The following RABGAP1L variants were observed in gnomAD, a reference collection of about 807,000 sequenced individuals.
RABGAP1L encodes rab GTPase-activating protein 1-like.
In RABGAP1L, 63 loss-of-function variants were observed where a neutral mutation model predicts 137.7. The observed-to-expected ratio is 0.46, with a 90% CI of 0.37 to 0.56. RABGAP1L has a LOEUF of 0.56. RABGAP1L is among the 20% of genes least tolerant of loss of function. The pLI is 0.00. For synonymous variants in RABGAP1L, 431 were observed against 433.7 expected (o/e 0.99, Z 0.08); for missense variants, 1,095 against 1,244.0 (o/e 0.88, Z 1.80).
intron 18 of RABGAP1L, among the ~76,000 whole-genome samples, chr1:174,780,496 C>T (rs1213186009): frequency 2.6e-5 from 4 of 152,104 alleles, no homozygotes; most frequent in African/African-American, 9.7e-5. Context: ...ACATTATCAT[C>T]CTAAATAGAG....
chr1:174,736,455 C>G (rs959666168), intron 17 of RABGAP1L, among the ~76,000 whole-genome samples: 1 of 152,172 alleles, frequency 6.6e-6, no homozygotes, highest in Non-Finnish European at 1.5e-5. Flanking sequence ...CATGACTGCT[C>G]TCACTAGATG....
At chr1:174,856,190 T>A (rs1178192621) in intron 19 of RABGAP1L, among the ~76,000 whole-genome samples, 1 of 149,652 alleles carries the variant, frequency 6.7e-6, no homozygotes, top group Non-Finnish European at 1.5e-5. Context: ...AGGTCAGGAG[T>A]TCAAGACCAG....
At chr1:174,601,956 C>A (rs575613746) in intron 13 of RABGAP1L, among the ~76,000 whole-genome samples, 20 of 152,140 alleles carry the variant, frequency 1.3e-4, no homozygotes, top group Non-Finnish European at 2.5e-4. Flanking sequence ...CCTGAGACCA[C>A]GTAAGCCTGG....
At chr1:174,633,712 C>A (rs1673655023) in intron 13 of RABGAP1L, among the ~76,000 whole-genome samples, 1 of 134,344 alleles carries the variant, frequency 7.4e-6, no homozygotes, top group Non-Finnish European at 1.6e-5. Context: ...CAGAACAGAG[C>A]CCTCAGAAAT....
At chr1:174,819,942 G>A (rs750190422) in intron 19 of RABGAP1L, among the ~76,000 whole-genome samples, 1 of 152,164 alleles carries the variant, frequency 6.6e-6, no homozygotes, top group Admixed American at 6.5e-5. Flanking sequence ...TGGTGAATGT[G>A]TAGTTTGGTG....
At chr1:174,780,174 C>T (rs1231082727) in intron 18 of RABGAP1L, among the ~76,000 whole-genome samples, 1 of 152,100 alleles carries the variant, frequency 6.6e-6, no homozygotes, top group African/African-American at 2.4e-5. Context: ...GGTATGGCCT[C>T]ACATTGTTTC....
chr1:174,745,649 T>A (rs1683810331), intron 17 of RABGAP1L, among the ~76,000 whole-genome samples: 1 of 152,208 alleles, frequency 6.6e-6, no homozygotes, highest in African/African-American at 2.4e-5. Flanking sequence ...ACATATGCCA[T>A]AGAGCTGTTG....
chr1:174,916,169 GA>G (rs1660853445), intron 19 of RABGAP1L, among the ~76,000 whole-genome samples: 1 of 127,624 alleles, frequency 7.8e-6, no homozygotes, highest in African/African-American at 3.0e-5. Context: ...ACTATTTGTT[GA>G]AAAGATTATT....
At chr1:174,388,943 T>G (rs1346641479) in intron 12 of RABGAP1L, among the ~76,000 whole-genome samples, 4 of 152,030 alleles carry the variant, frequency 2.6e-5, no homozygotes, top group African/African-American at 9.7e-5. Context: ...TGTAATTCCA[T>G]TGGTGACTTT....
chr1:174,686,688 C>A (rs1407729311), intron 15 of RABGAP1L, among the ~76,000 whole-genome samples: 1 of 125,822 alleles, frequency 7.9e-6, no homozygotes, highest in East Asian at 2.7e-4. Context: ...GATGGAGTCT[C>A]GCTCAGTTGC....
intron 19 of RABGAP1L, among the ~76,000 whole-genome samples, chr1:174,949,586 T>G (rs1403300824): frequency 2.0e-5 from 3 of 152,158 alleles, no homozygotes; most frequent in Admixed American, 1.3e-4. Context: ...AGTCCAGGTT[T>G]AAATATCTTG....
intron 13 of RABGAP1L, among the ~76,000 whole-genome samples, chr1:174,421,905 A>C (rs984433799): frequency 6.6e-6 from 1 of 152,154 alleles, no homozygotes; most frequent in Non-Finnish European, 1.5e-5. Context: ...AGTAGCTGGG[A>C]TTACAGGCAT....
intron 13 of RABGAP1L, among the ~76,000 whole-genome samples, chr1:174,629,903 A>G (rs1032110963): frequency 2.6e-5 from 4 of 152,174 alleles, no homozygotes; most frequent in Non-Finnish European, 5.9e-5. Context: ...TGGAAGGTCA[A>G]GTGTGCATAG....
chr1:174,617,563 C>G (rs1672005317), intron 13 of RABGAP1L, among the ~76,000 whole-genome samples: 1 of 152,140 alleles, frequency 6.6e-6, no homozygotes, highest in Admixed American at 6.5e-5. Context: ...GCATCTTCTA[C>G]TTTTAGGTAA....
At chr1:174,314,236 G>C (rs1026860507) in intron 11 of RABGAP1L, among the ~76,000 whole-genome samples, 2 of 152,092 alleles carry the variant, frequency 1.3e-5, no homozygotes, top group South Asian at 4.1e-4. Flanking sequence ...GTTCAATCTT[G>C]GTAGGTTGTA....
chr1:174,422,630 A>G (rs1247552768), intron 13 of RABGAP1L, among the ~76,000 whole-genome samples: 1 of 152,112 alleles, frequency 6.6e-6, no homozygotes, highest in Non-Finnish European at 1.5e-5. Flanking sequence ...TCAGGTAACC[A>G]TTCTTCTCTG....
chr1:174,590,123 C>CTTTTT lies in RABGAP1L; in HGVS notation c.1711-47228_1711-47224dup, dbSNP rs1166364912. 2.3e-3 allele frequency among the ~76,000 whole-genome samples: 135 copies of CTTTTT among 59,802 alleles called. 1 individual carries two copies. The highest frequency in any genetic ancestry group is 3.3e-3 in the Non-Finnish European group (106 of 31,724). 39.2% of individuals were successfully genotyped at this position (59,802 alleles called of 152,430 possible). On this transcript the variant is annotated intron_variant, in intron 13 of 25. Transcript: ENST00000681986. ...CCATTTTTTGTGACCTCTTCAGTTT[C>CTTTTT]TTTTTTTTTTTTTTTTTTTTTTTTT... is the stretch of plus-strand genomic sequence containing the variant.
intron 14 of RABGAP1L, among the ~76,000 whole-genome samples, chr1:174,681,383 C>A (rs923536312): frequency 2.0e-5 from 3 of 152,196 alleles, no homozygotes; most frequent in Admixed American, 6.5e-5. Context: ...AATGAACTAC[C>A]GATGCACACA....
chr1:174,659,907 A>C (rs966488216), intron 14 of RABGAP1L, among the ~76,000 whole-genome samples: 3 of 152,104 alleles, frequency 2.0e-5, no homozygotes, highest in Admixed American at 2.0e-4. Context: ...TCTTCCTCTT[A>C]CACTACATGT....
Sources: gnomAD v4.1 joint callset for allele counts (sites outside exome capture counted in the v4.1 genomes callset) on GRCh38, gnomAD v4.1.1 for gene constraint, MANE v1.5 for transcripts, NCBI Gene and HGNC (gene_info 2026-07-23, HGNC 2026-07-21) for gene names.